The following GOLIM4 variants were observed in gnomAD, a reference collection of about 807,000 sequenced individuals.
The protein encoded by GOLIM4 is golgi integral membrane protein 4, also known as 130 kDa golgi-localized phosphoprotein.
Under a neutral mutation model 107.4 loss-of-function variants are expected in GOLIM4, and 71 were observed. The ratio of observed to expected loss-of-function variants is 0.66; its 90% confidence interval spans 0.55 to 0.81. The LOEUF (loss-of-function observed/expected upper bound fraction) is 0.81, where lower values mean the gene tolerates loss of function less well. Ranked by LOEUF, GOLIM4 falls within the 30% of genes least tolerant of loss-of-function variation. GOLIM4 has a pLI of 0.00. For synonymous variants in GOLIM4, 327 were observed against 294.8 expected (o/e 1.11, Z -1.12); for missense variants, 830 against 826.1 (o/e 1.00, Z -0.06).
chr3:168,060,853 T>C (rs1720228659), intron 1 of GOLIM4, among the ~76,000 whole-genome samples: 1 of 152,032 alleles, frequency 6.6e-6, no homozygotes, highest in Non-Finnish European at 1.5e-5. Flanking sequence ...ATAGGATTGA[T>C]GGAAAGGTGG....
At chr3:168,027,239 T>C (rs547657554) in intron 12 of GOLIM4, among the ~76,000 whole-genome samples, 16 of 152,318 alleles carry the variant, frequency 1.1e-4, no homozygotes, top group South Asian at 1.0e-3. Context: ...CATATCCTTA[T>C]CCATATATTT....
At chr3:168,081,805 C>T (rs1253668492) in intron 1 of GOLIM4, among the ~76,000 whole-genome samples, 1 of 152,068 alleles carries the variant, frequency 6.6e-6, no homozygotes, top group African/African-American at 2.4e-5. Context: ...ATTGCAAGAC[C>T]TTTTTATTTT....
intron 2 of GOLIM4, among the ~76,000 whole-genome samples, chr3:168,047,517 C>T (rs1225634197): frequency 6.6e-6 from 1 of 152,210 alleles, no homozygotes; most frequent in East Asian, 1.9e-4. Context: ...TGCTGAACTT[C>T]TATTCTTCAC....
intron 7 of GOLIM4, among the ~76,000 whole-genome samples, chr3:168,038,316 TCTC>T (rs1718775991): frequency 6.6e-6 from 1 of 152,174 alleles, no homozygotes; most frequent in South Asian, 2.1e-4. Flanking sequence ...ACTCCTTCTT[TCTC>T]CTAGACACAT....
At chr3:168,082,973 T>A (rs1211496460) in intron 1 of GOLIM4, among the ~76,000 whole-genome samples, 1 of 152,206 alleles carries the variant, frequency 6.6e-6, no homozygotes, top group Non-Finnish European at 1.5e-5. Context: ...AAATATGTTT[T>A]GGAAAGTACA....
chr3:168,029,929 C>G lies in GOLIM4; in HGVS notation c.1284G>C (p.Arg428=). ...GCTGGTGCAAAGCTTCCTGGTGTTC[C>G]CGCAGCTGCTGGGCCTCCTCCACCT... is the stretch of plus-strand genomic sequence containing the variant. ...VQQVEEAQQL[R]EHQEALHQQR... Residue 428 remains arginine (R), a synonymous_variant, in exon 10 of 16, where the codon CGG becomes CGC. Transcript: ENST00000470487. 1 of 1,614,150 alleles carries G rather than the reference C, an allele frequency of 6.2e-7. No homozygotes were observed. The highest frequency in any genetic ancestry group is 2.2e-5 in the East Asian group (1 of 44,874).
intron 1 of GOLIM4, among the ~76,000 whole-genome samples, chr3:168,051,058 A>T (rs1055437575): frequency 5.3e-5 from 8 of 152,014 alleles, no homozygotes; most frequent in Non-Finnish European, 8.8e-5. Flanking sequence ...ATCAGGGTAA[A>T]CTCACTTTTG....
At chr3:168,065,418 A>G (rs1720498576) in intron 1 of GOLIM4, among the ~76,000 whole-genome samples, 1 of 152,230 alleles carries the variant, frequency 6.6e-6, no homozygotes, top group Non-Finnish European at 1.5e-5. Context: ...ATGATTTTCA[A>G]TAACTTGAAA....
chr3:168,019,414 T>C (rs1055167087), intron 14 of GOLIM4, among the ~76,000 whole-genome samples: 2 of 152,228 alleles, frequency 1.3e-5, no homozygotes, highest in African/African-American at 2.4e-5. Flanking sequence ...ATAATCATAC[T>C]GTGATTATCA....
chr3:168,088,028 C>T (rs965412906), intron 1 of GOLIM4, among the ~76,000 whole-genome samples: 3 of 152,028 alleles, frequency 2.0e-5, no homozygotes, highest in African/African-American at 7.2e-5. Context: ...TGATATATAA[C>T]TTTCACTTCA....
chr3:168,089,085 T>C (rs1721769392), intron 1 of GOLIM4, among the ~76,000 whole-genome samples: 1 of 152,242 alleles, frequency 6.6e-6, no homozygotes, highest in Non-Finnish European at 1.5e-5. Context: ...TTCAAAAGAA[T>C]GCTTCACTGA....
chr3:168,058,534 C>T (rs1014103325), intron 1 of GOLIM4, among the ~76,000 whole-genome samples: 1 of 152,110 alleles, frequency 6.6e-6, no homozygotes, highest in African/African-American at 2.4e-5. Context: ...CTAGGCACCT[C>T]GGGAAACACC....
At position 168,088,689 on chromosome 3, in the gene GOLIM4, T is replaced by C. The variant is rs193238830; in HGVS notation, c.187+6410A>G. 4.6e-5 allele frequency among the ~76,000 whole-genome samples: 7 copies of C among 152,308 alleles called. No individual in the cohort carries two copies. In the East Asian group the frequency reaches 1.3e-3, roughly 29 times the overall value. ...TACTTTGAAAAGTCACCAGGTGATA[T>C]GTGTCCCCTTTTCTTTCCCTGCCCT... On this transcript the variant is annotated intron_variant, in intron 1 of 15. Transcript: ENST00000470487.
intron 1 of GOLIM4, among the ~76,000 whole-genome samples, chr3:168,081,708 G>C (rs1229515489): frequency 6.6e-6 from 1 of 152,024 alleles, no homozygotes; most frequent in Admixed American, 6.6e-5. Flanking sequence ...ATAACACAGA[G>C]TTATTACTCT....
At chr3:168,024,780 T>A in intron 13 of GOLIM4, 148 bp downstream of exon 13, 3 of 846,414 alleles carry the variant, frequency 3.5e-6, no homozygotes, top group Non-Finnish European at 5.9e-6. Flanking sequence ...TCTCTCAGAG[T>A]ACAGGCATAT....
In GOLIM4 at chr3:168,010,401, A is replaced by G. The variant is rs1232668423; in HGVS notation, c.1959T>C (p.Asn653=). The change falls in exon 16 of 16, where the codon AAT becomes AAC. Residue 653 remains asparagine, a synonymous_variant. Transcript: ENST00000470487. The part of the protein sequence containing the change: ...ENDENTDDKN[N]DGEEQEVRDD... ...CTCGAACTTCTTGCTCTTCTCCATC[A>G]TTATTTTTATCATCAGTCTTAAAAT... 5.0e-6 allele frequency: 8 copies of G among 1,604,624 alleles called. No homozygotes were observed. The highest frequency in any genetic ancestry group is 3.4e-5 in the Admixed American group (2 of 59,652).
chr3:168,076,768 T>C (rs1419895670), intron 1 of GOLIM4, among the ~76,000 whole-genome samples: 1 of 152,168 alleles, frequency 6.6e-6, no homozygotes, highest in Non-Finnish European at 1.5e-5. Context: ...ATATTAAATG[T>C]CAAAATACTT....
intron 1 of GOLIM4, among the ~76,000 whole-genome samples, chr3:168,069,241 T>G (rs571386634): frequency 7.8e-4 from 119 of 152,326 alleles, no homozygotes; most frequent in African/African-American, 2.6e-3. Flanking sequence ...AAATGGAGTT[T>G]TATTTCACAC....
intron 1 of GOLIM4, among the ~76,000 whole-genome samples, chr3:168,080,583 T>C (rs892647438): frequency 1.3e-5 from 2 of 151,862 alleles, no homozygotes; most frequent in African/African-American, 4.9e-5. Flanking sequence ...CTAAAAATGT[T>C]AGTCAAGATA....
Sources: gnomAD v4.1 joint callset for allele counts (sites outside exome capture counted in the v4.1 genomes callset) on GRCh38, gnomAD v4.1.1 for gene constraint, MANE v1.5 for transcripts, NCBI Gene and HGNC (gene_info 2026-07-23, HGNC 2026-07-21) for gene names.